FHIP1A: variants seen among roughly 807,000 people sequenced by gnomAD.
FHIP1A encodes the protein FHF complex subunit HOOK-interacting protein 1A.
FHIP1A carries 61 observed loss-of-function variants against 88.6 expected under a neutral mutation model. The observed-to-expected ratio is 0.69, with a 90% CI of 0.56 to 0.85. The LOEUF (loss-of-function observed/expected upper bound fraction) is 0.85, where lower values mean the gene tolerates loss of function less well. Among genes scored for constraint, FHIP1A ranks in the 40% least tolerant of loss-of-function variants. FHIP1A has a pLI of 0.00. For missense variants in FHIP1A, 1,154 were observed against 1,273.5 expected (o/e 0.91, Z 1.43); for synonymous variants, 478 against 496.0 (o/e 0.96, Z 0.48).
chr4:151,522,064 GTCTGAAAC>G (rs1412002416), intron 3 of FHIP1A, among the ~76,000 whole-genome samples: 1 of 152,192 alleles, frequency 6.6e-6, no homozygotes, highest in Non-Finnish European at 1.5e-5. Context: ...ACTCTTAGAT[GTCTGAAAC>G]TTTCACTATC....
At chr4:151,522,674 C>A (rs1390595689) in intron 3 of FHIP1A, among the ~76,000 whole-genome samples, 1 of 152,236 alleles carries the variant, frequency 6.6e-6, no homozygotes, top group Non-Finnish European at 1.5e-5. Context: ...CAAATTTTGT[C>A]CTTTGGCTTT....
intron 1 of FHIP1A, among the ~76,000 whole-genome samples, chr4:151,454,270 A>ATGTG (rs779238694): frequency 9.2e-5 from 14 of 152,150 alleles, no homozygotes; most frequent in Non-Finnish European, 1.8e-4. Context: ...GGCATATCAC[A>ATGTG]TTGGAGGCAC....
chr4:151,515,966 C>A (rs1410962693), intron 3 of FHIP1A, among the ~76,000 whole-genome samples: 3 of 152,060 alleles, frequency 2.0e-5, no homozygotes, highest in East Asian at 1.9e-4. Flanking sequence ...GTTCATATGG[C>A]ACCAAAAAAA....
At chr4:151,569,474 C>T (rs1474986055) in intron 4 of FHIP1A, among the ~76,000 whole-genome samples, 3 of 151,930 alleles carry the variant, frequency 2.0e-5, no homozygotes, top group African/African-American at 7.3e-5. Context: ...ATCACTTGAA[C>T]CCAGGAGGTG....
At chr4:151,526,413 C>T (rs1483277335) in intron 3 of FHIP1A, among the ~76,000 whole-genome samples, 32 of 65,034 alleles carry the variant, frequency 4.9e-4, no homozygotes, top group Middle Eastern at 0.011. Flanking sequence ...CCTCCCGGAC[C>T]GGGGTGGCTG....
At chr4:151,571,949 T>C (rs1344815276) in intron 4 of FHIP1A, among the ~76,000 whole-genome samples, 4 of 152,232 alleles carry the variant, frequency 2.6e-5, no homozygotes, top group African/African-American at 9.6e-5. Flanking sequence ...GGCTCTTGCC[T>C]GTAATCCCAG....
chr4:151,654,958 A>C (rs1737173641), intron 11 of FHIP1A, among the ~76,000 whole-genome samples: 1 of 152,122 alleles, frequency 6.6e-6, no homozygotes, highest in Non-Finnish European at 1.5e-5. Flanking sequence ...GGAGACAGGG[A>C]TATTGCAGTT....
At chr4:151,413,794 A>G (rs1437646494) in intron 1 of FHIP1A, among the ~76,000 whole-genome samples, 3 of 151,848 alleles carry the variant, frequency 2.0e-5, no homozygotes, top group Admixed American at 2.0e-4. Flanking sequence ...TTTGGCAAGG[A>G]TGGAGCAAAG....
At chr4:151,414,720 A>T (rs140755669) in intron 1 of FHIP1A, among the ~76,000 whole-genome samples, 3 of 152,342 alleles carry the variant, frequency 2.0e-5, no homozygotes, top group African/African-American at 7.2e-5. Context: ...TCTAAAAGAC[A>T]GGTAGAGACA....
chr4:151,448,274 G>A (rs1728676733), intron 1 of FHIP1A, among the ~76,000 whole-genome samples: 1 of 152,060 alleles, frequency 6.6e-6, no homozygotes, highest in Non-Finnish European at 1.5e-5. Flanking sequence ...CCCAGTCTAT[G>A]TTTTTCTGTT....
chr4:151,603,800 C>A (rs1190728738), intron 7 of FHIP1A, among the ~76,000 whole-genome samples: 1 of 152,194 alleles, frequency 6.6e-6, no homozygotes, highest in Non-Finnish European at 1.5e-5. Flanking sequence ...TAGTGCCAAC[C>A]TTTTCCTGCA....
At chr4:151,638,287 C>G (rs1736431648) in intron 8 of FHIP1A, among the ~76,000 whole-genome samples, 1 of 147,836 alleles carries the variant, frequency 6.8e-6, no homozygotes, top group African/African-American at 2.5e-5. Flanking sequence ...GAAAATAACT[C>G]AGGAAAACAA....
intron 1 of FHIP1A, among the ~76,000 whole-genome samples, chr4:151,437,926 A>T (rs1477726072): frequency 6.6e-6 from 1 of 152,212 alleles, no homozygotes; most frequent in Non-Finnish European, 1.5e-5. Context: ...ATATGTTATT[A>T]TATTTTATCA....
chr4:151,556,507 C>G (rs1172932009), intron 3 of FHIP1A, among the ~76,000 whole-genome samples: 2 of 152,112 alleles, frequency 1.3e-5, no homozygotes, highest in Non-Finnish European at 2.9e-5. Context: ...GATGGCTTAC[C>G]TGTATTACAT....
intron 6 of FHIP1A, among the ~76,000 whole-genome samples, chr4:151,587,097 T>G (rs763633522): frequency 2.8e-5 from 2 of 70,490 alleles, no homozygotes; most frequent in Non-Finnish European, 3.3e-5. Context: ...ATTAAATAGA[T>G]TATTTTTAGG....
At chr4:151,641,930 A>T (rs537427871) in intron 9 of FHIP1A, among the ~76,000 whole-genome samples, 14 of 152,384 alleles carry the variant, frequency 9.2e-5, no homozygotes, top group Admixed American at 2.0e-4. Flanking sequence ...ACTGCGTTTA[A>T]TGAAGGTATT....
chr4:151,486,089 C>T (rs969848606), intron 3 of FHIP1A, among the ~76,000 whole-genome samples: 9 of 152,252 alleles, frequency 5.9e-5, no homozygotes, highest in South Asian at 4.1e-4. Flanking sequence ...GTGCATTTCA[C>T]GATAAGGTTT....
intron 7 of FHIP1A, among the ~76,000 whole-genome samples, chr4:151,623,233 C>CA (rs1339241848): frequency 6.6e-6 from 1 of 152,152 alleles, no homozygotes; most frequent in Non-Finnish European, 1.5e-5. Flanking sequence ...CTAACATTGG[C>CA]AAATACAGAT....
intron 3 of FHIP1A, among the ~76,000 whole-genome samples, chr4:151,550,795 G>A (rs989627661): frequency 2.6e-5 from 4 of 152,206 alleles, no homozygotes; most frequent in Non-Finnish European, 5.9e-5. Flanking sequence ...GCATGCAGGA[G>A]TTTGTTAGGG....
Sources: allele counts gnomAD v4.1 joint callset (sites outside exome capture counted in the v4.1 genomes callset), GRCh38; gene constraint gnomAD v4.1.1; transcripts MANE v1.5; gene names NCBI Gene and HGNC (gene_info 2026-07-23, HGNC 2026-07-21).